The following AMZ1 variants were observed in gnomAD, a reference collection of about 807,000 sequenced individuals.
The protein encoded by AMZ1 is archaemetzincin-1.
Under a neutral mutation model 29.9 loss-of-function variants are expected in AMZ1, and 39 were observed. The observed-to-expected ratio is 1.30, with a 90% confidence interval of 1.01 to 1.70. AMZ1 has a LOEUF of 1.70. Ranked by LOEUF, AMZ1 falls within the 40% of genes most tolerant of loss-of-function variation. AMZ1 has a pLI of 0.00. For synonymous variants in AMZ1, 458 were observed against 304.0 expected (o/e 1.51, Z -5.27); for missense variants, 1,041 against 680.6 (o/e 1.53, Z -5.89).
chr7:2,737,499 G>A (rs1244514417), intron 4 of AMZ1, among the ~76,000 whole-genome samples: 1 of 151,970 alleles, frequency 6.6e-6, no homozygotes, highest in Non-Finnish European at 1.5e-5. Context: ...AGGTTAACCA[G>A]GCTGGTCTCG....
At chr7:2,749,018 C>T (rs1790899703) in intron 4 of AMZ1, among the ~76,000 whole-genome samples, 1 of 152,130 alleles carries the variant, frequency 6.6e-6, no homozygotes, top group African/African-American at 2.4e-5. Flanking sequence ...ACAACAGGTG[C>T]TGGAGAGGAT....
chr7:2,755,094 G>A (rs1464877900), intron 4 of AMZ1, among the ~76,000 whole-genome samples: 1 of 152,188 alleles, frequency 6.6e-6, no homozygotes, highest in Non-Finnish European at 1.5e-5. Context: ...GTGCTGGCGG[G>A]GAGCGATCCA....
chr7:2,719,683 ATTTTTT>A (rs11426798), downstream of AMZ1, among the ~76,000 whole-genome samples: 1 of 147,328 alleles, frequency 6.8e-6, no homozygotes, highest in South Asian at 2.2e-4. Context: ...ATCAACCCCA[ATTTTTT>A]TTTTTTTTGA....
chr7:2,759,071 C>T lies in AMZ1; in HGVS notation n.551-5641C>T, dbSNP rs187047299. Among the ~76,000 whole-genome samples the T allele has an allele frequency of 4.3e-3, 648 of 151,262 alleles. 7 individuals carry two copies. Among genetic ancestry groups the T allele is most frequent in the African/African-American group, 0.015 (611 of 41,164 alleles). ...AGGAGAATCACTTGAACCCAGGGGGCGGAGGTTGCAATGAGCCGAGATTAC... is the reference window on the plus strand; with the variant it reads ...AGGAGAATCACTTGAACCCAGGGGGTGGAGGTTGCAATGAGCCGAGATTAC... On this transcript the variant is annotated intron_variant and non_coding_transcript_variant, in intron 4 of 4. Coordinates refer to the AMZ1 transcript ENST00000489665.
rs186609232 is a variant in AMZ1 at position 2,740,881 on chromosome 7, A to G, written n.551-23831A>G. Among the ~76,000 whole-genome samples the G allele has an allele frequency of 5.3e-5, 8 of 152,214 alleles. No homozygotes were observed. In the East Asian group the frequency reaches 1.4e-3, roughly 26 times the overall value. The stretch of plus-strand genomic sequence containing the variant: ...AGCATGGTGAAACCCTGCCTCTACT[A>G]AAAATACAAAAAAATTAGTCGGGCG... On this transcript the variant is annotated intron_variant and non_coding_transcript_variant, in intron 4 of 4. Coordinates refer to the AMZ1 transcript ENST00000489665.
intron 4 of AMZ1, chr7:2,729,655 G>GGGGCTCGGGGCAGCAC (rs1450124882): frequency 6.6e-6 from 1 of 152,224 alleles, no homozygotes; most frequent in African/African-American, 2.4e-5. Context: ...AGAGGGGCTC[G>GGGGCTCGGGGCAGCAC]GGGCTCGGGG....
chr7:2,706,002 T>C (rs947871273), intron 3 of AMZ1, among the ~76,000 whole-genome samples: 16 of 152,300 alleles, frequency 1.1e-4, no homozygotes, highest in Non-Finnish European at 1.5e-4. Context: ...CAAGGGTCAC[T>C]CCAGGGCTTT....
Position 2,713,706 on chromosome 7 carries a change from C to A in AMZ1, c.*828C>A, listed in dbSNP as rs914269207. The A allele has an allele frequency of 1.3e-5, 2 of 152,568 alleles. No homozygotes were observed. Among genetic ancestry groups the A allele is most frequent in the African/African-American group, 4.8e-5 (2 of 41,472 alleles). 9.5% of individuals were successfully genotyped at this position (152,568 alleles called of 1,614,324 possible). A position where few individuals can be genotyped will look rare whatever the true frequency, so the allele number is the denominator to read the frequency against. On this transcript the variant is annotated 3_prime_UTR_variant, in exon 7 of 7. Coordinates refer to ENST00000683327, the MANE Select transcript of AMZ1 (RefSeq NM_001384743.1). ...CTGATCCTGACGGACTTCACCGGGG[C>A]TCTCCAGGCATCTCTTCTGACAAAC...
intron 3 of AMZ1, among the ~76,000 whole-genome samples, chr7:2,704,683 G>A (rs1161802735): frequency 7.4e-6 from 1 of 135,260 alleles, no homozygotes; most frequent in African/African-American, 2.8e-5. Context: ...TGCAAGCTCC[G>A]CCTCCTGGGT....
At chr7:2,733,430 C>G (rs367970613) in intron 4 of AMZ1, 3 of 1,609,552 alleles carry the variant, frequency 1.9e-6, no homozygotes, top group Admixed American at 3.3e-5. Context: ...CCAGCTTCTT[C>G]GGGCGGGCGT....
chr7:2,685,093 T>A (rs1424220795), upstream of AMZ1, among the ~76,000 whole-genome samples: 2 of 151,568 alleles, frequency 1.3e-5, no homozygotes, highest in Admixed American at 1.3e-4. Context: ...ATGGTCTTGA[T>A]CTTCTGACCT....
rs773871900 is a variant in AMZ1 at position 2,712,790 on chromosome 7, A to G, written c.1409A>G (p.Lys470Arg). 2 of 1,565,806 alleles carry G rather than the reference A, an allele frequency of 1.3e-6. No homozygotes were observed. The highest frequency in any genetic ancestry group is 4.5e-5 in the East Asian group (2 of 44,358). ...SVGLRKVLGDKFSSLRRKLSA... is the reference protein window; with the variant it reads ...SVGLRKVLGDRFSSLRRKLSA... ...GGGCTGCGCAAGGTGCTGGGGGACA[A>G]GTTCTCCTCCCTGAGGAGGAAGCTG... is the stretch of plus-strand genomic sequence containing the variant. Residue 470 changes from lysine to arginine, a missense_variant, in exon 7 of 7, where the codon AAG becomes AGG. Transcript: ENST00000683327.
chr7:2,738,899 C>T (rs1015089841), intron 4 of AMZ1, among the ~76,000 whole-genome samples: 7 of 152,194 alleles, frequency 4.6e-5, no homozygotes, highest in Middle Eastern at 3.2e-3. Context: ...ACTCTGGCCA[C>T]GCTTTGGCCC....
rs1193855814 is a variant in AMZ1 at position 2,758,345 on chromosome 7, G to A, written n.551-6367G>A. On this transcript the variant is annotated intron_variant and non_coding_transcript_variant, in intron 4 of 4. Transcript: ENST00000489665. ...CATCCAAGTGATGACATCCTCATAC[G>A]TCGTGTGGCCTCTGAAAAGCTCCAA... 3.9e-5 allele frequency among the ~76,000 whole-genome samples: 6 copies of A among 152,152 alleles called. No individual in the cohort carries two copies. In the East Asian group the frequency reaches 5.8e-4, roughly 15 times the overall value.
In AMZ1 at chr7:2,744,631, C is replaced by T. The variant is rs186913001; in HGVS notation, n.551-20081C>T. On this transcript the variant is annotated intron_variant and non_coding_transcript_variant, in intron 4 of 4. Coordinates refer to the AMZ1 transcript ENST00000489665. The stretch of plus-strand genomic sequence containing the variant: ...GAGCACCTCTCCTCCTCCAAAGGAA[C>T]GCAGCTCCTCACCAGCAACGGAACA... Among the ~76,000 whole-genome samples, 538 of 152,284 alleles carry T rather than the reference C, an allele frequency of 3.5e-3. 4 individuals are homozygous for T. The highest frequency in any genetic ancestry group is 0.011 in the African/African-American group (477 of 41,562).
chr7:2,740,431 C>A (rs1012338074), intron 4 of AMZ1, among the ~76,000 whole-genome samples: 4 of 152,114 alleles, frequency 2.6e-5, no homozygotes, highest in African/African-American at 9.7e-5. Context: ...AGAAGCTGGC[C>A]GTCTGCAAGC....
chr7:2,763,191 A>AAC (rs56384682), upstream of AMZ1: 14,408 of 221,964 alleles, frequency 0.065, 569 homozygotes, highest in Admixed American at 0.1. Context: ...AAGACACCCC[A>AAC]ACACACACAC....
At position 2,700,723 on chromosome 7, in the gene AMZ1, TG is replaced by T; in HGVS notation, c.274del (p.Ala92LeufsTer10). On this transcript the variant is annotated frameshift_variant, in exon 2 of 7. Coordinates refer to ENST00000683327, the MANE Select transcript of AMZ1 (RefSeq NM_001384743.1). LOFTEE classifies it high-confidence loss of function. ...HASLQHRKPRLARKHIYLQPI... is the reference protein window; with the variant it reads ...HASLQHRKPRXARKHIYLQPI... ...TCCCTGCAGCACCGGAAGCCCCGCC[TG>T]GCTCGGAAGCACATCTACCTACAGC... 1 of 1,613,104 alleles carries T rather than the reference TG, an allele frequency of 6.2e-7. No individual in the cohort carries two copies. The highest frequency in any genetic ancestry group is 8.5e-7 in the Non-Finnish European group (1 of 1,180,006).
chr7:2,716,429 T>G lies in AMZ1; in HGVS notation c.*3551T>G, dbSNP rs1403881529. The G allele has an allele frequency of 2.6e-5, 4 of 152,176 alleles. No individual in the cohort carries two copies. The highest frequency in any genetic ancestry group is 5.9e-5 in the Non-Finnish European group (4 of 68,056). The allele number at this position is 152,176 out of a possible 1,614,324, so 9.4% of individuals were successfully genotyped here. On this transcript the variant is annotated 3_prime_UTR_variant, in exon 7 of 7. Transcript: ENST00000683327. The stretch of plus-strand genomic sequence containing the variant: ...TCTGCCACCACCCGTTTCCAGAGCA[T>G]GGGTGAGGAGGGAGGGATGCCGACC...
Sources: allele counts gnomAD v4.1 joint callset (sites outside exome capture counted in the v4.1 genomes callset), GRCh38; gene constraint gnomAD v4.1.1; transcripts MANE v1.5; gene names NCBI Gene and HGNC (gene_info 2026-07-23, HGNC 2026-07-21).